RNF220: variants seen among roughly 807,000 people sequenced by gnomAD.
RNF220 encodes ring finger protein 220.
In RNF220, 7 loss-of-function variants were observed where a neutral mutation model predicts 67.1. The observed-to-expected ratio is 0.10, with a 90% CI of 0.06 to 0.20. The LOEUF is 0.20. RNF220 is among the 10% of genes least tolerant of loss of function. The pLI, the probability that RNF220 is intolerant of heterozygous loss-of-function variation, is 1.00. For missense variants in RNF220, 565 were observed against 740.3 expected, an observed-to-expected ratio of 0.76 and a Z score of 2.75; for synonymous variants, 270 against 283.2, an observed-to-expected ratio of 0.95 and a Z score of 0.47.
rs1666600177 is a variant in RNF220, at chr1:44,597,511, CGA to C, written c.626-16653_626-16652del. ...ACACACACACACACACACACACACA[CGA>C]ACCTCCCTCACCTCCCTCTCTCACG... On this transcript the variant is annotated intron_variant, in intron 2 of 14. Coordinates refer to ENST00000361799, the MANE Select transcript of RNF220 (RefSeq NM_018150.4). Among the ~76,000 whole-genome samples the C allele has an allele frequency of 3.1e-5, 4 of 128,342 alleles. No individual in the cohort carries two copies. The South Asian group carries it at 9.9e-4, about 32-fold the overall frequency. 84.2% of individuals were successfully genotyped at this position (128,342 alleles called of 152,430 possible). A position where few individuals can be genotyped will look rare whatever the true frequency, so the allele number is the denominator to read the frequency against.
chr1:44,445,386 G>A (rs889323038), intron 2 of RNF220, among the ~76,000 whole-genome samples: 10 of 152,016 alleles, frequency 6.6e-5, no homozygotes, highest in South Asian at 6.2e-4. Flanking sequence ...TGTAATTCCC[G>A]TCCCTAAAAC....
chr1:44,443,880 C>G (rs930918264), intron 2 of RNF220, among the ~76,000 whole-genome samples: 1 of 152,200 alleles, frequency 6.6e-6, no homozygotes, highest in Non-Finnish European at 1.5e-5. Flanking sequence ...CGCCTGAGGT[C>G]AGGAGTTCGA....
rs377329184 is a variant in RNF220 at position 44,514,078 on chromosome 1, G to A, written c.626-100087G>A. On this transcript the variant is annotated intron_variant, in intron 2 of 14. Coordinates refer to ENST00000361799, the MANE Select transcript of RNF220 (RefSeq NM_018150.4). ...AGCATCTTGTATTTATCCTTGTATC[G>A]CTTAGTCCTAAATATAACCAAGTAA... Among the ~76,000 whole-genome samples, 393 of 152,122 alleles carry A rather than the reference G, an allele frequency of 2.6e-3. 2 individuals are homozygous for A. Among genetic ancestry groups the A allele is most frequent in the African/African-American group, 9.0e-3 (374 of 41,486 alleles).
At chr1:44,560,330 T>C (rs1663466710) in intron 2 of RNF220, among the ~76,000 whole-genome samples, 1 of 152,110 alleles carries the variant, frequency 6.6e-6, no homozygotes, top group Non-Finnish European at 1.5e-5. Context: ...AGGTGCTGTT[T>C]CCCAAACAGG....
At chr1:44,473,914 T>C (rs141210700) in intron 2 of RNF220, among the ~76,000 whole-genome samples, 278 of 152,268 alleles carry the variant, frequency 1.8e-3, no homozygotes, top group African/African-American at 6.3e-3. Context: ...CTTGTGTGCT[T>C]ACCATAACTC....
chr1:44,534,238 C>T (rs1429294253), intron 2 of RNF220, among the ~76,000 whole-genome samples: 3 of 152,060 alleles, frequency 2.0e-5, no homozygotes, highest in Non-Finnish European at 4.4e-5. Flanking sequence ...CCTCAGCCTC[C>T]CAAAGTGTTG....
intron 2 of RNF220, among the ~76,000 whole-genome samples, chr1:44,472,232 C>T (rs191870163): frequency 7.8e-4 from 118 of 152,124 alleles, no homozygotes; most frequent in Admixed American, 2.9e-3. Context: ...GGGTATATAT[C>T]TAGGAGTGGA....
chr1:44,546,152 C>T (rs1168339218), intron 2 of RNF220, among the ~76,000 whole-genome samples: 2 of 152,082 alleles, frequency 1.3e-5, no homozygotes, highest in African/African-American at 2.4e-5. Context: ...CACTGCTTGC[C>T]AGGTAAGCAT....
intron 2 of RNF220, among the ~76,000 whole-genome samples, chr1:44,438,825 G>A (rs74686891): frequency 0.075 from 11,364 of 152,300 alleles, 478 homozygotes; most frequent in East Asian, 0.19. Context: ...TAGATAATAA[G>A]TAGATCAGTG....
At chr1:44,559,995 C>T (rs1663437836) in intron 2 of RNF220, among the ~76,000 whole-genome samples, 3 of 152,198 alleles carry the variant, frequency 2.0e-5, no homozygotes, top group Admixed American at 2.0e-4. Flanking sequence ...GGAGCCACGG[C>T]TCCTTCAGCA....
intron 1 of RNF220, among the ~76,000 whole-genome samples, chr1:44,406,330 C>G (rs1039490156): frequency 1.3e-5 from 2 of 152,138 alleles, no homozygotes; most frequent in Admixed American, 6.5e-5. Context: ...CGGTAAACTC[C>G]CCACTCCTCT....
intron 2 of RNF220, among the ~76,000 whole-genome samples, chr1:44,563,545 G>A (rs1201727806): frequency 6.6e-6 from 1 of 152,196 alleles, no homozygotes; most frequent in Non-Finnish European, 1.5e-5. Context: ...CTCTGACTCT[G>A]GGTTCTGTGA....
At chr1:44,414,899 G>A (rs1315476434) in intron 2 of RNF220, among the ~76,000 whole-genome samples, 2 of 150,374 alleles carry the variant, frequency 1.3e-5, no homozygotes, top group African/African-American at 2.5e-5. Context: ...GAGGGTGTTC[G>A]TACACCCTCG....
intron 2 of RNF220, among the ~76,000 whole-genome samples, chr1:44,508,270 G>T (rs1445521584): frequency 6.6e-6 from 1 of 152,046 alleles, no homozygotes; most frequent in African/African-American, 2.4e-5. Context: ...GGTGTCCTTG[G>T]CCCCTGAGGT....
intron 2 of RNF220, among the ~76,000 whole-genome samples, chr1:44,605,763 G>A (rs1391428711): frequency 3.3e-5 from 5 of 152,212 alleles, no homozygotes; most frequent in Non-Finnish European, 5.9e-5. Context: ...ATGAGGAAGA[G>A]TTAGCCAGGT....
Position 44,650,791 on chromosome 1 carries a change from C to A in RNF220, c.*16C>A. The A allele has an allele frequency of 6.2e-7, 1 of 1,612,214 alleles. No individual in the cohort carries two copies. Among genetic ancestry groups the A allele is most frequent in the Non-Finnish European group, 8.5e-7 (1 of 1,179,570 alleles). Reference sequence around the variant, plus strand: ...CTACTTGTGAGCTATCTGCCCCAGGCAGGCCTCGCCTCCAGCAGCCCCACC... The same window carrying A: ...CTACTTGTGAGCTATCTGCCCCAGGAAGGCCTCGCCTCCAGCAGCCCCACC... On this transcript the variant is annotated 3_prime_UTR_variant, in exon 15 of 15. Coordinates refer to ENST00000361799, the MANE Select transcript of RNF220 (RefSeq NM_018150.4). The surrounding 1 kb of genome is among the most constrained non-coding windows in gnomAD (Gnocchi z 4.3).
At chr1:44,532,111 G>A (rs12120451) in intron 2 of RNF220, among the ~76,000 whole-genome samples, 36,887 of 151,990 alleles carry the variant, frequency 0.24, 4,853 homozygotes, top group Non-Finnish European at 0.3. Context: ...ACATATGTAC[G>A]CTCTTTATGG....
chr1:44,495,400 C>T (rs1297800505), intron 2 of RNF220, among the ~76,000 whole-genome samples: 1 of 152,212 alleles, frequency 6.6e-6, no homozygotes, highest in Non-Finnish European at 1.5e-5. Flanking sequence ...ATCTCTAAGA[C>T]TGCTTTCAAA....
chr1:44,452,281 C>T (rs959063774), intron 2 of RNF220, among the ~76,000 whole-genome samples: 4 of 152,102 alleles, frequency 2.6e-5, no homozygotes, highest in African/African-American at 9.7e-5. Context: ...CAGCTGGGTG[C>T]GGTGGCTCAC....
Sources: allele counts gnomAD v4.1 joint callset (sites outside exome capture counted in the v4.1 genomes callset), GRCh38; gene constraint gnomAD v4.1.1; non-coding constraint Gnocchi (gnomAD v3.1); transcripts MANE v1.5; gene names NCBI Gene and HGNC (gene_info 2026-07-23, HGNC 2026-07-21).